FMN1: variants seen among roughly 807,000 people sequenced by gnomAD.
FMN1 encodes the protein formin-1.
A neutral mutation model predicts 132.4 loss-of-function variants in FMN1; 110 were observed. That is an observed-to-expected ratio of 0.83 (90% CI 0.71 to 0.97). The LOEUF (loss-of-function observed/expected upper bound fraction) is 0.97. FMN1 is among the 50% of genes least tolerant of loss of function. FMN1 has a pLI of 0.00. For missense variants in FMN1, 1,792 were observed against 1,705.3 expected (o/e 1.05, Z -0.90); for synonymous variants, 722 against 651.7 (o/e 1.11, Z -1.64).
At position 32,813,512 on chromosome 15, in the gene FMN1, C is replaced by T. The variant is rs1432238219; in HGVS notation, c.3929-9180G>A. ...TTTACAATACTGACAAAACACTTGG[C>T]CTTCAGACTTTATGAAGGATTTTGT... On this transcript the variant is annotated intron_variant, in intron 17 of 20. Coordinates refer to ENST00000616417, the MANE Select transcript of FMN1 (RefSeq NM_001277313.2). Among the ~76,000 whole-genome samples, 4 of 152,072 alleles carry T rather than the reference C, an allele frequency of 2.6e-5. No homozygotes were observed. In the South Asian group the frequency reaches 8.3e-4, roughly 32 times the overall value.
chr15:33,026,096 T>TACACACACACAC (rs58334971), intron 6 of FMN1, among the ~76,000 whole-genome samples: 49 of 144,722 alleles, frequency 3.4e-4, no homozygotes, highest in Admixed American at 9.7e-4. Flanking sequence ...TGCTTAGGCA[T>TACACACACACAC]ACACACACAC....
intron 14 of FMN1, among the ~76,000 whole-genome samples, chr15:32,899,539 G>GC (rs1596222516): frequency 6.6e-6 from 1 of 152,210 alleles, no homozygotes. Context: ...GGCTCAGAGA[G>GC]CTTGACAGTA....
chr15:33,064,373 G>T (rs1223338929), intron 6 of FMN1: 1 of 152,088 alleles, frequency 6.6e-6, no homozygotes, highest in Non-Finnish European at 1.5e-5. Context: ...CACTTAAATA[G>T]TAACCATATC....
intron 16 of FMN1, among the ~76,000 whole-genome samples, chr15:32,877,337 C>T (rs1163935229): frequency 1.3e-5 from 2 of 150,498 alleles, no homozygotes; most frequent in African/African-American, 2.4e-5. Flanking sequence ...ATTTTTGAGG[C>T]ATGAATTAAT....
intron 4 of FMN1, among the ~76,000 whole-genome samples, chr15:33,102,537 T>C (rs2039333920): frequency 6.6e-6 from 1 of 152,192 alleles, no homozygotes; most frequent in East Asian, 1.9e-4. Flanking sequence ...CTTCTTTTCC[T>C]CTCTCCCTCC....
Position 32,898,895 on chromosome 15 carries a change from T to C in FMN1, c.3655-2A>G. The C allele has an allele frequency of 6.3e-7, 1 of 1,579,478 alleles. No individual in the cohort carries two copies. The highest frequency in any genetic ancestry group is 8.7e-7 in the Non-Finnish European group (1 of 1,150,954). On this transcript the variant is annotated splice_acceptor_variant, in intron 14 of 20. Coordinates refer to ENST00000616417, the MANE Select transcript of FMN1 (RefSeq NM_001277313.2). LOFTEE classifies it high-confidence loss of function. ...GTCCACCAGATTAATCCCATTATCC[T>C]AGGTTTAAAAGAGAAATGTACATGA...
intron 6 of FMN1, among the ~76,000 whole-genome samples, chr15:33,030,375 G>T (rs2035880323): frequency 2.0e-5 from 3 of 152,206 alleles, no homozygotes; most frequent in Non-Finnish European, 4.4e-5. Flanking sequence ...AGTTCATCTT[G>T]AAAGTCACAT....
At chr15:32,795,533 C>CA (rs1449359392) in intron 19 of FMN1, among the ~76,000 whole-genome samples, 2 of 149,678 alleles carry the variant, frequency 1.3e-5, no homozygotes, top group African/African-American at 5.0e-5. Context: ...ACAGATGTGA[C>CA]AATCGGGTTC....
chr15:33,115,502 C>G (rs75004099), intron 4 of FMN1, among the ~76,000 whole-genome samples: 7,767 of 146,040 alleles, frequency 0.053, 203 homozygotes, highest in Middle Eastern at 0.1. Context: ...CCCCCCCCCC[C>G]CACACACACA....
rs200369986 is a variant in FMN1, at chr15:33,033,129, C to CA, written c.2162-25055dup. 9.5e-3 allele frequency among the ~76,000 whole-genome samples: 1,446 copies of CA among 152,194 alleles called. 25 individuals carry two copies. The highest frequency in any genetic ancestry group is 0.032 in the African/African-American group (1,309 of 41,510). ...CACTGCAAGCTCTGCCTCCTGGGTT[C>CA]ACGCCATTCTCCTGCCTCAGCCTCC... On this transcript the variant is annotated intron_variant, in intron 6 of 20. Coordinates refer to ENST00000616417, the MANE Select transcript of FMN1 (RefSeq NM_001277313.2).
rs78596222 is a variant in FMN1 at position 33,128,192 on chromosome 15, C to T, written c.1867+24856G>A. ...AATAAAGCAAGCAAACAAATTGCTCCCGGGAAAAAAAGCAAAAAGCAGACT... is the reference window on the plus strand; with the variant it reads ...AATAAAGCAAGCAAACAAATTGCTCTCGGGAAAAAAAGCAAAAAGCAGACT... On this transcript the variant is annotated intron_variant, in intron 4 of 20. Coordinates refer to ENST00000616417, the MANE Select transcript of FMN1 (RefSeq NM_001277313.2). Among the ~76,000 whole-genome samples the T allele has an allele frequency of 2.0e-5, 3 of 152,042 alleles. No homozygotes were observed. In the East Asian group the frequency reaches 5.8e-4, roughly 29 times the overall value.
At chr15:32,834,028 C>T (rs1418118770) in intron 17 of FMN1, among the ~76,000 whole-genome samples, 2 of 152,128 alleles carry the variant, frequency 1.3e-5, no homozygotes, top group Non-Finnish European at 2.9e-5. Flanking sequence ...TTTTCTGATT[C>T]TCAGAACCTC....
chr15:32,994,343 A>G (rs1316236131), intron 7 of FMN1, among the ~76,000 whole-genome samples: 1 of 152,004 alleles, frequency 6.6e-6, no homozygotes, highest in Non-Finnish European at 1.5e-5. Flanking sequence ...CCTACTCCAG[A>G]GCTACATTTC....
At chr15:33,054,221 G>A (rs1378030397) in intron 6 of FMN1, among the ~76,000 whole-genome samples, 1 of 152,148 alleles carries the variant, frequency 6.6e-6, no homozygotes, top group African/African-American at 2.4e-5. Context: ...AAGGGTTTTA[G>A]GAGATCTGTG....
At chr15:33,011,767 C>T (rs1366509593) in intron 6 of FMN1, among the ~76,000 whole-genome samples, 2 of 151,844 alleles carry the variant, frequency 1.3e-5, no homozygotes, top group African/African-American at 2.4e-5. Flanking sequence ...AAATGAAGCC[C>T]ATGTGAAAAA....
intron 6 of FMN1, chr15:33,064,447 G>C (rs1160629451): frequency 1.3e-5 from 2 of 152,180 alleles, no homozygotes; most frequent in South Asian, 2.1e-4. Context: ...AGAGAGTTAG[G>C]TTGCTTTAAA....
rs57464882 is a variant in FMN1, at chr15:33,012,343, G to C, written c.2162-4268C>G. ...AGGCAGATGCAGCCATGAATGCAAG[G>C]CCACACAAGGTGGATGAAGAGTTGT... is the stretch of plus-strand genomic sequence containing the variant. On this transcript the variant is annotated intron_variant, in intron 6 of 20. Coordinates refer to ENST00000616417, the MANE Select transcript of FMN1 (RefSeq NM_001277313.2). 34 of 852,676 alleles carry C rather than the reference G, an allele frequency of 4.0e-5. No homozygotes were observed. In the East Asian group the frequency reaches 8.2e-4, roughly 21 times the overall value. The allele number at this position is 852,676 out of a possible 1,614,324, so 52.8% of individuals were successfully genotyped here.
At chr15:33,048,651 C>CAAAAAAAAAAAAAAAAAAAAAA (rs1338668794) in intron 6 of FMN1, among the ~76,000 whole-genome samples, 7 of 120,110 alleles carry the variant, frequency 5.8e-5, no homozygotes, top group Non-Finnish European at 1.1e-4. Context: ...AAAAAAAAAC[C>CAAAAAAAAAAAAAAAAAAAAAA]AACAGTTTAA....
At chr15:32,847,458 C>T (rs1441088407) in intron 17 of FMN1, among the ~76,000 whole-genome samples, 3 of 152,046 alleles carry the variant, frequency 2.0e-5, no homozygotes, top group South Asian at 2.1e-4. Flanking sequence ...CAAGGCTGGG[C>T]GTGGTGGCTC....
Sources: gnomAD v4.1 joint callset for allele counts (sites outside exome capture counted in the v4.1 genomes callset) on GRCh38, gnomAD v4.1.1 for gene constraint, MANE v1.5 for transcripts, NCBI Gene and HGNC (gene_info 2026-07-23, HGNC 2026-07-21) for gene names.